MTOR: variants seen among roughly 807,000 people sequenced by gnomAD.
MTOR encodes serine/threonine-protein kinase mTOR.
In MTOR, 70 loss-of-function variants were observed where a neutral mutation model predicts 319.8. That is an observed-to-expected ratio of 0.22 (90% confidence interval 0.18 to 0.27). The LOEUF (loss-of-function observed/expected upper bound fraction) is 0.27, where lower values mean the gene tolerates loss of function less well. Among genes scored for constraint, MTOR ranks in the 10% least tolerant of loss-of-function variants. MTOR has a pLI of 1.00. For missense variants in MTOR, 1,890 were observed against 3,274.4 expected (o/e 0.58, Z 10.32); for synonymous variants, 1,183 against 1,211.4 (o/e 0.98, Z 0.49).
At chr1:11,126,428 A>G (rs917570262) in intron 46 of MTOR, among the ~76,000 whole-genome samples, 194 bp downstream of exon 46, 1 of 152,124 alleles carries the variant, frequency 6.6e-6, no homozygotes, top group African/African-American at 2.4e-5. Flanking sequence ...AAGCCCAACT[A>G]CATGAATGAA....
In MTOR at chr1:11,228,717, A is replaced by G. The variant is rs1416259805; in HGVS notation, c.2981T>C (p.Met994Thr). 6.2e-7 allele frequency: 1 copy of G among 1,614,060 alleles called. No individual in the cohort carries two copies. Among genetic ancestry groups the G allele is most frequent in the African/African-American group, 1.3e-5 (1 of 74,932 alleles). The change falls in exon 19 of 58, where the codon ATG (methionine) becomes ACG (threonine). Residue 994 changes from methionine (M) to threonine (T), a missense_variant. By Grantham distance (81) the Met-to-Thr change is moderately conservative (BLOSUM62 -1). Around this residue, in one of 15 missense-constraint regions of MTOR, gnomAD observed 377 missense variants for 653.9 expected, o/e 0.58. Coordinates refer to ENST00000361445, the MANE Select transcript of MTOR (RefSeq NM_004958.4). ...TCGAATGACGTTAAGGAACGTGGGC[A>G]TGACCTGGGGCAGGAACTGCACACA... ...LKCVQFLPQV[M>T]PTFLNVIRVC...
intron 1 of MTOR, 83 bp from the exon 2 acceptor site, chr1:11,259,506 A>T: frequency 7.0e-7 from 1 of 1,421,720 alleles, no homozygotes; most frequent in South Asian, 1.4e-5. Flanking sequence ...CCCAACACAG[A>T]TCTCCCCCTA....
In MTOR at chr1:11,129,682, C is replaced by T. The variant is rs2100422604; in HGVS notation, c.5714+56G>A. On this transcript the variant is annotated intron_variant, in intron 40 of 57. Coordinates refer to ENST00000361445, the MANE Select transcript of MTOR (RefSeq NM_004958.4). The surrounding 1 kb of genome is among the most constrained non-coding windows in gnomAD (Gnocchi z 4.7). ...GAAAGAGGACTTTTACGTGTGACTT[C>T]TAGGTCTTGCCATTAACATGGCCTA... 6.7e-7 allele frequency: 1 copy of T among 1,498,872 alleles called. No homozygotes were observed. Among genetic ancestry groups the T allele is most frequent in the East Asian group, 2.3e-5 (1 of 44,076 alleles). The allele number at this position is 1,498,872 out of a possible 1,614,324, so 92.8% of individuals were successfully genotyped here.
intron 57 of MTOR, among the ~76,000 whole-genome samples, chr1:11,107,921 C>G (rs1238718220): frequency 6.6e-6 from 1 of 152,218 alleles, no homozygotes; most frequent in Non-Finnish European, 1.5e-5. Context: ...AACAAACAAG[C>G]CTTGCCTATT....
Position 11,129,916 on chromosome 1 carries a change from C to T in MTOR, c.5614-78G>A. On this transcript the variant is annotated intron_variant, in intron 39 of 57. Coordinates refer to ENST00000361445, the MANE Select transcript of MTOR (RefSeq NM_004958.4). The surrounding 1 kb of genome is among the most constrained non-coding windows in gnomAD (Gnocchi z 4.7). ...TAAAATGGGCATAAGAGCATACTAA[C>T]TGTACCTACTTCAAAGGGTGGTTAT... is the stretch of plus-strand genomic sequence containing the variant. The T allele has an allele frequency of 8.3e-7, 1 of 1,205,136 alleles. No individual in the cohort carries two copies. The highest frequency in any genetic ancestry group is 1.2e-6 in the Non-Finnish European group (1 of 820,830). 74.7% of individuals were successfully genotyped at this position (1,205,136 alleles called of 1,614,324 possible).
rs572036464 is a variant in MTOR, at chr1:11,133,524, T to C, written c.5247-327A>G. Among the ~76,000 whole-genome samples, 1 of 152,332 alleles carries C rather than the reference T, an allele frequency of 6.6e-6. No individual in the cohort carries two copies. Among genetic ancestry groups the C allele is most frequent in the Admixed American group, 6.5e-5 (1 of 15,294 alleles). ...TGACAGTTGAGAGTTACTTCTTTAT[T>C]GATTGCTATATGGCTTCTCCCTTAC... is the stretch of plus-strand genomic sequence containing the variant. On this transcript the variant is annotated intron_variant, in intron 37 of 57. Coordinates refer to ENST00000361445, the MANE Select transcript of MTOR (RefSeq NM_004958.4). This position sits in a 1 kb window ranked among gnomAD's most constrained non-coding sequence, Gnocchi z 4.0.
At chr1:11,203,064 A>G (rs1248585930) in intron 26 of MTOR, among the ~76,000 whole-genome samples, 4 of 151,186 alleles carry the variant, frequency 2.6e-5, no homozygotes, top group Non-Finnish European at 5.9e-5. Flanking sequence ...ATTACAAAAA[A>G]TAGCCGGGCG....
At chr1:11,172,518 C>T (rs1644848463) in intron 28 of MTOR, among the ~76,000 whole-genome samples, 1 of 143,776 alleles carries the variant, frequency 7.0e-6, no homozygotes, top group African/African-American at 2.6e-5. Context: ...CGAGATCACA[C>T]CACTGCATTC....
At chr1:11,160,442 T>C (rs1044214682) in intron 29 of MTOR, among the ~76,000 whole-genome samples, 3 of 152,180 alleles carry the variant, frequency 2.0e-5, no homozygotes, top group Non-Finnish European at 2.9e-5. Context: ...GGTGTCTTCC[T>C]AAGTATCTAA....
chr1:11,147,633 G>A (rs1466808927), intron 31 of MTOR, among the ~76,000 whole-genome samples: 2 of 152,200 alleles, frequency 1.3e-5, no homozygotes, highest in African/African-American at 4.8e-5. Flanking sequence ...GAAGCAATTT[G>A]TTTTTGAAAA....
Position 11,115,328 on chromosome 1 carries a change from A to C in MTOR, c.7089+68T>G. On this transcript the variant is annotated intron_variant, in intron 51 of 57. Coordinates refer to ENST00000361445, the MANE Select transcript of MTOR (RefSeq NM_004958.4). The surrounding 1 kb of genome is among the most constrained non-coding windows in gnomAD (Gnocchi z 4.5). ...GCAGTTTGGGCTTAAGTCTGCCTAC[A>C]GTGTCAGAGGAGGGGGAAAAGTGAT... The C allele has an allele frequency of 1.3e-6, 2 of 1,484,658 alleles. No homozygotes were observed. The highest frequency in any genetic ancestry group is 1.9e-6 in the Non-Finnish European group (2 of 1,062,410). 92.0% of individuals were successfully genotyped at this position (1,484,658 alleles called of 1,614,324 possible).
At chr1:11,217,959 A>G (rs1646528973) in intron 19 of MTOR, among the ~76,000 whole-genome samples, 1 of 152,154 alleles carries the variant, frequency 6.6e-6, no homozygotes, top group Admixed American at 6.5e-5. Flanking sequence ...GAGTTTGAAC[A>G]TATTCCCTAA....
intron 28 of MTOR, chr1:11,194,417 T>C (rs560178547): frequency 1.3e-6 from 2 of 1,588,036 alleles, no homozygotes; most frequent in African/African-American, 2.7e-5. Context: ...CAGCATGAAA[T>C]GGAGCCTGCT....
rs550361762 is a variant in MTOR at position 11,243,233 on chromosome 1, T to C, written c.1293A>G (p.Thr431=). The change falls in exon 9 of 58, where the codon ACA becomes ACG. Residue 431 remains threonine, a synonymous_variant. Coordinates refer to ENST00000361445, the MANE Select transcript of MTOR (RefSeq NM_004958.4). ...LSCVKKEKER[T]AAFQALGLLS... is the part of the protein sequence containing the mutation. ...GTAGCCCCAGGGCTTGGAAGGCCGC[T>C]GTACGTTCCTTCTCCTTCTTGACAC... The C allele has an allele frequency of 7.4e-6, 12 of 1,614,206 alleles. No homozygotes were observed. The Admixed American group carries it at 1.7e-4, about 22-fold the overall frequency.
chr1:11,206,107 A>G (rs1646129981), intron 25 of MTOR, among the ~76,000 whole-genome samples: 1 of 152,248 alleles, frequency 6.6e-6, no homozygotes, highest in South Asian at 2.1e-4. Context: ...GAGAAGGAAG[A>G]GGGAGACTAG....
intron 33 of MTOR, 76 bp from the exon 34 acceptor site, chr1:11,144,831 C>G: frequency 6.5e-7 from 1 of 1,541,710 alleles, no homozygotes; most frequent in Non-Finnish European, 8.9e-7. Context: ...TAAATCATTC[C>G]TTCTGGTGTC....
At chr1:11,178,473 C>A (rs190458792) in intron 28 of MTOR, among the ~76,000 whole-genome samples, 3 of 152,336 alleles carry the variant, frequency 2.0e-5, no homozygotes, top group African/African-American at 7.2e-5. Context: ...ATTTAGGGAG[C>A]TATTGGCAGG....
intron 28 of MTOR, among the ~76,000 whole-genome samples, chr1:11,183,975 G>A (rs1248927358): frequency 6.6e-6 from 1 of 152,170 alleles, no homozygotes; most frequent in African/African-American, 2.4e-5. Flanking sequence ...ACAAAATTAA[G>A]TATCTCTACA....
chr1:11,106,663 T>G lies in MTOR; in HGVS notation c.*822A>C, dbSNP rs369762892. On this transcript the variant is annotated 3_prime_UTR_variant, in exon 58 of 58. Transcript: ENST00000361445. ...TTTGTTCTGCTCATAATTTCCAATA[T>G]GTACCAGACCTTCCCTGTGTTCAGC... 1 of 1,107,910 alleles carries G rather than the reference T, an allele frequency of 9.0e-7. No homozygotes were observed. The highest frequency in any genetic ancestry group is 1.1e-6 in the Non-Finnish European group (1 of 903,592). 68.6% of individuals were successfully genotyped at this position (1,107,910 alleles called of 1,614,324 possible).
Sources: gnomAD v4.1 joint callset for allele counts (sites outside exome capture counted in the v4.1 genomes callset) on GRCh38, gnomAD v4.1.1 for gene constraint, gnomAD v4.1.1 regional missense constraint, Gnocchi (gnomAD v3.1) non-coding constraint, MANE v1.5 for transcripts, NCBI Gene and HGNC (gene_info 2026-07-23, HGNC 2026-07-21) for gene names.